The following MAGI1 variants were observed in gnomAD, a reference collection of about 807,000 sequenced individuals.
The protein encoded by MAGI1 is membrane associated guanylate kinase, WW and PDZ domain containing 1.
A neutral mutation model predicts 139.9 loss-of-function variants in MAGI1; 58 were observed. The observed-to-expected ratio is 0.41, with a 90% CI of 0.34 to 0.52. MAGI1 has a LOEUF of 0.52. MAGI1 is among the 20% of genes least tolerant of loss of function. The pLI, the probability that MAGI1 is intolerant of heterozygous loss-of-function variation, is 0.12. For synonymous variants in MAGI1, 812 were observed against 737.9 expected, an observed-to-expected ratio of 1.10 and a Z score of -1.63; for missense variants, 1,874 against 1,901.6, an observed-to-expected ratio of 0.99 and a Z score of 0.27.
At chr3:65,430,636 C>T in intron 11 of MAGI1, 63 bp downstream of exon 11, 2 of 1,534,266 alleles carry the variant, frequency 1.3e-6, no homozygotes, top group Non-Finnish European at 1.8e-6. Context: ...CATGATTGCA[C>T]ATGTTTATCT....
chr3:65,530,688 T>C (rs553874812), intron 2 of MAGI1, among the ~76,000 whole-genome samples: 1 of 142,468 alleles, frequency 7.0e-6, no homozygotes, highest in African/African-American at 2.6e-5. Context: ...TATATATACG[T>C]GTATATATAT....
At chr3:65,398,821 A>G (rs1944619552) in intron 13 of MAGI1, among the ~76,000 whole-genome samples, 1 of 152,200 alleles carries the variant, frequency 6.6e-6, no homozygotes, top group Admixed American at 6.5e-5. Flanking sequence ...TTTTATTAAG[A>G]TACTGCCATT....
chr3:65,528,309 C>T (rs1185698573), intron 2 of MAGI1, among the ~76,000 whole-genome samples: 1 of 152,184 alleles, frequency 6.6e-6, no homozygotes, highest in Non-Finnish European at 1.5e-5. Context: ...TTTCTCAAAA[C>T]TAAGATTTTC....
At chr3:65,508,121 C>T (rs1474330427) in intron 2 of MAGI1, among the ~76,000 whole-genome samples, 2 of 152,102 alleles carry the variant, frequency 1.3e-5, no homozygotes, top group African/African-American at 2.4e-5. Context: ...AAAATAAAAT[C>T]GGCCGGGCGC....
At chr3:65,637,670 A>G (rs2084721396) in intron 1 of MAGI1, among the ~76,000 whole-genome samples, 1 of 152,226 alleles carries the variant, frequency 6.6e-6, no homozygotes, top group African/African-American at 2.4e-5. Context: ...GAGATTTGAT[A>G]TGCACATGCA....
chr3:65,405,326 T>TC (rs1945248137), intron 12 of MAGI1, among the ~76,000 whole-genome samples: 1 of 152,198 alleles, frequency 6.6e-6, no homozygotes, highest in African/African-American at 2.4e-5. Context: ...CCATAAACTA[T>TC]AACTAAATGG....
At chr3:65,460,643 C>T (rs1297116916) in intron 5 of MAGI1, among the ~76,000 whole-genome samples, 1 of 152,094 alleles carries the variant, frequency 6.6e-6, no homozygotes, top group Non-Finnish European at 1.5e-5. Context: ...GTTTGCTGCA[C>T]CCATCAACCT....
chr3:65,920,349 T>C (rs1287766611), intron 1 of MAGI1, among the ~76,000 whole-genome samples: 1 of 152,204 alleles, frequency 6.6e-6, no homozygotes, highest in Non-Finnish European at 1.5e-5. Flanking sequence ...AAAATTATCT[T>C]CTTTTTAGTT....
intron 1 of MAGI1, among the ~76,000 whole-genome samples, chr3:65,996,383 T>A (rs188928983): frequency 1.1e-4 from 16 of 152,240 alleles, no homozygotes; most frequent in Non-Finnish European, 1.8e-4. Flanking sequence ...CATTTTTTTT[T>A]AAATCTCATA....
At chr3:65,587,025 C>T (rs2081715796) in intron 2 of MAGI1, among the ~76,000 whole-genome samples, 1 of 152,066 alleles carries the variant, frequency 6.6e-6, no homozygotes, top group South Asian at 2.1e-4. Context: ...GGTGAATTAC[C>T]CCGAGATCCC....
chr3:65,491,603 G>A (rs1196406044), intron 3 of MAGI1, among the ~76,000 whole-genome samples: 1 of 152,020 alleles, frequency 6.6e-6, no homozygotes, highest in East Asian at 1.9e-4. Context: ...TAACCAAAGA[G>A]GAGTCACACA....
At chr3:65,862,008 A>C (rs2059572133) in intron 1 of MAGI1, among the ~76,000 whole-genome samples, 1 of 152,104 alleles carries the variant, frequency 6.6e-6, no homozygotes, top group African/African-American at 2.4e-5. Context: ...AATTGGCACC[A>C]CCAGGCTCCC....
intron 1 of MAGI1, among the ~76,000 whole-genome samples, chr3:65,941,037 T>C (rs2063289803): frequency 6.6e-6 from 1 of 152,128 alleles, no homozygotes; most frequent in African/African-American, 2.4e-5. Context: ...GGAACCAAGG[T>C]ACAAAGAATT....
chr3:65,717,740 G>T (rs1022089988), intron 1 of MAGI1, among the ~76,000 whole-genome samples: 1 of 152,178 alleles, frequency 6.6e-6, no homozygotes, highest in Non-Finnish European at 1.5e-5. Flanking sequence ...TCTGGCAAAA[G>T]CCCTTGAGTT....
chr3:65,453,878 A>T (rs1390575223), intron 5 of MAGI1, among the ~76,000 whole-genome samples: 10 of 152,206 alleles, frequency 6.6e-5, no homozygotes, highest in Admixed American at 1.3e-4. Flanking sequence ...TATGCTTTGG[A>T]CATAATGAAG....
At chr3:65,867,580 T>C (rs1282972554) in intron 1 of MAGI1, among the ~76,000 whole-genome samples, 2 of 151,926 alleles carry the variant, frequency 1.3e-5, no homozygotes, top group Non-Finnish European at 2.9e-5. Flanking sequence ...ACCAAATAAT[T>C]AAAAATTAGC....
intron 22 of MAGI1, chr3:65,359,410 C>T: frequency 8.0e-7 from 1 of 1,249,772 alleles, no homozygotes; most frequent in Non-Finnish European, 1.0e-6. Flanking sequence ...ACAACGAATG[C>T]ATCCTTTTTT....
intron 1 of MAGI1, among the ~76,000 whole-genome samples, chr3:65,806,508 G>A (rs1428827861): frequency 1.3e-5 from 2 of 152,014 alleles, no homozygotes. Flanking sequence ...AACTGTTACT[G>A]TACCTCACTT....
At chr3:65,844,137 G>T in intron 1 of MAGI1, 1 of 519,686 alleles carries the variant, frequency 1.9e-6, no homozygotes, top group Non-Finnish European at 3.8e-6. Flanking sequence ...CTGGGTCGGT[G>T]GCCCAAAAAG....
Sources: gnomAD v4.1 joint callset for allele counts (sites outside exome capture counted in the v4.1 genomes callset) on GRCh38, gnomAD v4.1.1 for gene constraint, MANE v1.5 for transcripts, NCBI Gene and HGNC (gene_info 2026-07-23, HGNC 2026-07-21) for gene names.